OPRM1: variants seen among roughly 807,000 people sequenced by gnomAD.
OPRM1 encodes mu-type opioid receptor.
In OPRM1, 27 loss-of-function variants were observed where a neutral mutation model predicts 31.8. The ratio of observed to expected loss-of-function variants is 0.85; its 90% CI spans 0.63 to 1.17. OPRM1 has a LOEUF of 1.17. OPRM1 is among the 50% of genes most tolerant of loss of function. The probability of loss-of-function intolerance (pLI) is 0.00; values close to 1 mark genes in which losing one functional copy is unlikely to be tolerated. For missense variants in OPRM1, 536 were observed against 511.1 expected (o/e 1.05, Z -0.47); for synonymous variants, 196 against 189.9 (o/e 1.03, Z -0.26).
intron 3 of OPRM1, among the ~76,000 whole-genome samples, chr6:154,111,267 C>T (rs968765856): frequency 1.3e-5 from 2 of 152,152 alleles, no homozygotes; most frequent in African/African-American, 2.4e-5. Context: ...GAGTCATCAG[C>T]TCCCAAGGTT....
intron 3 of OPRM1, among the ~76,000 whole-genome samples, chr6:154,101,868 T>A (rs1361812229): frequency 6.6e-6 from 1 of 152,142 alleles, no homozygotes; most frequent in Non-Finnish European, 1.5e-5. Context: ...AATTTTAAAA[T>A]TTTCATCAGG....
At chr6:154,054,110 C>G (rs1314010557) in intron 1 of OPRM1, among the ~76,000 whole-genome samples, 1 of 148,854 alleles carries the variant, frequency 6.7e-6, no homozygotes, top group African/African-American at 2.5e-5. Context: ...TGGCTCACGC[C>G]TGTAATCTCA....
rs541529700 is a variant in OPRM1 at position 154,130,918 on chromosome 6, A to G, written c.*12197A>G. On this transcript the variant is annotated 3_prime_UTR_variant, in exon 4 of 4. Transcript: ENST00000330432. The stretch of plus-strand genomic sequence containing the variant: ...ATAGCCAGTTATGAAAATGTAAAAC[A>G]ATGAGTGATCTTGTTGTTTTCATTT... Among the ~76,000 whole-genome samples the G allele has an allele frequency of 1.2e-3, 186 of 152,266 alleles. No individual in the cohort carries two copies. The highest frequency in any genetic ancestry group is 3.4e-3 in the Middle Eastern group (1 of 294).
chr6:154,076,646 C>G (rs1787941958), intron 1 of OPRM1, among the ~76,000 whole-genome samples: 1 of 152,166 alleles, frequency 6.6e-6, no homozygotes, highest in Non-Finnish European at 1.5e-5. Flanking sequence ...GCACCTCTTC[C>G]TTTCCAGATC....
intron 3 of OPRM1, among the ~76,000 whole-genome samples, chr6:154,140,527 G>A (rs1451133745): frequency 1.3e-5 from 2 of 151,870 alleles, no homozygotes; most frequent in Non-Finnish European, 2.9e-5. Context: ...ACAGGGTTTC[G>A]CCATGTTGGC....
chr6:154,246,841 G>T, exon 4 of OPRM1: 1 of 1,415,996 alleles, frequency 7.1e-7, no homozygotes, highest in Non-Finnish European at 9.4e-7. Flanking sequence ...ATGTGACAGA[G>T]TGAAAGGCAA....
At chr6:154,046,319 G>C (rs1781104310) in intron 1 of OPRM1, among the ~76,000 whole-genome samples, 1 of 152,100 alleles carries the variant, frequency 6.6e-6, no homozygotes, top group Non-Finnish European at 1.5e-5. Context: ...GAGAGAGTGG[G>C]CACCAGTCAT....
At chr6:154,082,849 T>C (rs1789488450) in intron 1 of OPRM1, among the ~76,000 whole-genome samples, 1 of 152,212 alleles carries the variant, frequency 6.6e-6, no homozygotes, top group Non-Finnish European at 1.5e-5. Context: ...AAATATTCTA[T>C]ATATTTGCAA....
chr6:154,114,166 T>C (rs940658387), intron 3 of OPRM1, among the ~76,000 whole-genome samples: 2 of 152,202 alleles, frequency 1.3e-5, no homozygotes. Context: ...AAGGCACGTA[T>C]TGTCTCTAAG....
downstream of OPRM1, among the ~76,000 whole-genome samples, chr6:154,135,484 G>GATAGATATAGAT (rs58196022): frequency 0.075 from 10,756 of 144,368 alleles, 445 homozygotes; most frequent in Non-Finnish European, 0.093. Flanking sequence ...AAAATATATA[G>GATAGATATAGAT]ATAGATATAG....
At chr6:154,068,566 A>T (rs949038284) in intron 1 of OPRM1, among the ~76,000 whole-genome samples, 3 of 152,180 alleles carry the variant, frequency 2.0e-5, no homozygotes, top group African/African-American at 7.2e-5. Flanking sequence ...GTCGTATCCC[A>T]TTGTGTATAT....
At position 154,019,728 on chromosome 6, in the gene OPRM1, C is replaced by CTTTCT. The variant is rs575009900; in HGVS notation, c.-1+8729_-1+8733dup. ...TCTATGTATTTCCATAGCTTAGTGG[C>CTTTCT]TTTCTTTTCTTTTCTTTTCTTTTTT... is the stretch of plus-strand genomic sequence containing the variant. On this transcript the variant is annotated intron_variant, in intron 1 of 5. Coordinates refer to the OPRM1 transcript ENST00000434900. Among the ~76,000 whole-genome samples, 930 of 144,188 alleles carry CTTTCT rather than the reference C, an allele frequency of 6.4e-3. 21 individuals carry two copies. The highest frequency in any genetic ancestry group is 0.014 in the African/African-American group (539 of 37,222). The allele number at this position is 144,188 out of a possible 152,430, so 94.6% of individuals were successfully genotyped here.
intron 3 of OPRM1, among the ~76,000 whole-genome samples, chr6:154,184,895 C>G (rs1801202704): frequency 6.6e-6 from 1 of 151,058 alleles, no homozygotes; most frequent in Admixed American, 6.6e-5. Flanking sequence ...TCTTGCCTAC[C>G]CCTTTCAGAT....
At chr6:154,070,197 C>T (rs1273368376) in intron 1 of OPRM1, among the ~76,000 whole-genome samples, 1 of 152,220 alleles carries the variant, frequency 6.6e-6, no homozygotes, top group African/African-American at 2.4e-5. Flanking sequence ...CAAGCTGCTC[C>T]TGCAGCTCAT....
chr6:154,109,184 T>G (rs893659458), intron 3 of OPRM1, among the ~76,000 whole-genome samples: 1 of 152,198 alleles, frequency 6.6e-6, no homozygotes, highest in Non-Finnish European at 1.5e-5. Flanking sequence ...TTGCTCATGA[T>G]TACCCTGGGA....
At chr6:154,037,627 A>G (rs927570412), upstream of OPRM1, among the ~76,000 whole-genome samples, 1 of 152,114 alleles carries the variant, frequency 6.6e-6, no homozygotes, top group Non-Finnish European at 1.5e-5. Context: ...AACTCAGTTG[A>G]TTTCAAATAT....
intron 1 of OPRM1, among the ~76,000 whole-genome samples, chr6:154,056,487 C>G (rs1444733954): frequency 6.6e-6 from 1 of 151,862 alleles, no homozygotes; most frequent in African/African-American, 2.4e-5. Context: ...CTAACACCTT[C>G]ACGATGGATT....
At chr6:154,238,341 T>C (rs1389862384) in intron 3 of OPRM1, among the ~76,000 whole-genome samples, 1 of 152,132 alleles carries the variant, frequency 6.6e-6, no homozygotes, top group Non-Finnish European at 1.5e-5. Flanking sequence ...CTGCAACCTC[T>C]GCCTCCCAGG....
chr6:154,029,857 C>T (rs1176240819), intron 1 of OPRM1, among the ~76,000 whole-genome samples: 2 of 152,134 alleles, frequency 1.3e-5, no homozygotes, highest in Non-Finnish European at 2.9e-5. Flanking sequence ...TTGCCGCTGC[C>T]ATGTGAAGAA....
Sources: gnomAD v4.1 joint callset for allele counts (sites outside exome capture counted in the v4.1 genomes callset) on GRCh38, gnomAD v4.1.1 for gene constraint, MANE v1.5 for transcripts, NCBI Gene and HGNC (gene_info 2026-07-23, HGNC 2026-07-21) for gene names.